TDRD9: variants seen among roughly 807,000 people sequenced by gnomAD.
TDRD9 encodes ATP-dependent RNA helicase TDRD9.
In TDRD9, 124 loss-of-function variants were observed where a neutral mutation model predicts 172.6. That is an observed-to-expected ratio of 0.72 (90% CI 0.62 to 0.83). The LOEUF is 0.83. Ranked by LOEUF, TDRD9 falls within the 40% of genes least tolerant of loss-of-function variation. The pLI is 0.00. For missense variants in TDRD9, 1,479 were observed against 1,714.1 expected (o/e 0.86, Z 2.42); for synonymous variants, 619 against 617.1 (o/e 1.00, Z -0.05).
chr14:103,995,411 A>C (rs994194557), intron 11 of TDRD9, among the ~76,000 whole-genome samples: 1 of 151,910 alleles, frequency 6.6e-6, no homozygotes, highest in African/African-American at 2.4e-5. Context: ...ACAGGCAACA[A>C]CCCTTCTTCT....
At position 103,955,852 on chromosome 14, in the gene TDRD9, G is replaced by A. The variant is rs942458413; in HGVS notation, c.322+82G>A. ...AATATTAGGTTCATAGTGCATGCCT[G>A]TAATTCCAGCTACTCAGGAGGCTGA... is the stretch of plus-strand genomic sequence containing the variant. On this transcript the variant is annotated intron_variant, in intron 2 of 35. Transcript: ENST00000409874. The A allele has an allele frequency of 5.9e-6, 7 of 1,179,566 alleles. No homozygotes were observed. The East Asian group carries it at 1.1e-4, about 19-fold the overall frequency. The allele number at this position is 1,179,566 out of a possible 1,614,324, so 73.1% of individuals were successfully genotyped here.
chr14:103,942,939 G>C (rs1205174656), intron 1 of TDRD9, among the ~76,000 whole-genome samples: 2 of 147,814 alleles, frequency 1.4e-5, no homozygotes, highest in African/African-American at 2.5e-5. Context: ...TGAAAATATG[G>C]TAATAAGGCA....
At chr14:103,975,291 G>C in intron 6 of TDRD9, 98 bp from the exon 7 acceptor site, 4 of 1,137,216 alleles carry the variant, frequency 3.5e-6, no homozygotes, top group Non-Finnish European at 4.9e-6. Context: ...AAAGTTGTTA[G>C]ATAAGGAGTG....
rs150997364 is a variant in TDRD9 at position 104,008,237 on chromosome 14, C to G, written c.2053-176C>G. On this transcript the variant is annotated intron_variant, in intron 19 of 35. Coordinates refer to ENST00000409874, the MANE Select transcript of TDRD9 (RefSeq NM_153046.3). ...TGTGTTTATGGTTGAGTATTACGCTCTCTGGCTTCAATGTAAAATTGGATG... is the reference window on the plus strand; with the variant it reads ...TGTGTTTATGGTTGAGTATTACGCTGTCTGGCTTCAATGTAAAATTGGATG... Among the ~76,000 whole-genome samples the G allele has an allele frequency of 4.7e-4, 71 of 152,258 alleles. No homozygotes were observed. In the East Asian group the frequency reaches 9.1e-3, roughly 19 times the overall value.
At chr14:103,969,734 T>C (rs1178612126) in intron 5 of TDRD9, among the ~76,000 whole-genome samples, 2 of 151,802 alleles carry the variant, frequency 1.3e-5, no homozygotes, top group African/African-American at 4.8e-5. Flanking sequence ...CCCTTGTACA[T>C]TGATGTTTCC....
In TDRD9 at chr14:103,986,269, T is replaced by A. The variant is rs754769480; in HGVS notation, c.1064T>A (p.Val355Asp). Residue 355 changes from valine to aspartate, a missense_variant, in exon 8 of 36, where the codon GTT becomes GAT. Transcript: ENST00000409874. ...EPVITKDIYEVAVSLIQMFDD... is the reference protein window; with the variant it reads ...EPVITKDIYEDAVSLIQMFDD... ...GTGATAACTAAGGATATATATGAAG[T>A]TGCTGTCTCTCTCATTCAGATGTTT... The A allele has an allele frequency of 6.2e-7, 1 of 1,613,476 alleles. No individual in the cohort carries two copies. Among genetic ancestry groups the A allele is most frequent in the Non-Finnish European group, 8.5e-7 (1 of 1,179,610 alleles).
At chr14:104,041,939 T>A (rs1472105775) in intron 33 of TDRD9, 130 bp from the exon 34 acceptor site, 1 of 608,308 alleles carries the variant, frequency 1.6e-6, no homozygotes, top group Non-Finnish European at 2.9e-6. Context: ...TCAAGATGCC[T>A]TCAGCAGGCG....
intron 35 of TDRD9, among the ~76,000 whole-genome samples, chr14:104,051,005 C>T (rs2035921830): frequency 6.6e-6 from 1 of 152,156 alleles, no homozygotes; most frequent in Non-Finnish European, 1.5e-5. Flanking sequence ...GGTACATGTG[C>T]AGCTTTTGTT....
chr14:103,983,951 T>C lies in TDRD9; in HGVS notation c.1012-2266T>C, dbSNP rs956506216. Among the ~76,000 whole-genome samples the C allele has an allele frequency of 4.6e-5, 7 of 152,220 alleles. No homozygotes were observed. The South Asian group carries it at 8.3e-4, about 18-fold the overall frequency. On this transcript the variant is annotated intron_variant, in intron 7 of 35. Coordinates refer to ENST00000409874, the MANE Select transcript of TDRD9 (RefSeq NM_153046.3). ...TGGAGATGAGGAACTTGTTGGGGAC[T>C]GGAGTAAAGGTGACTCTTGTTATGT...
intron 30 of TDRD9, 27 bp downstream of exon 30, chr14:104,032,114 AT>A (rs759498183): frequency 5.1e-5 from 75 of 1,457,420 alleles, no homozygotes; most frequent in South Asian, 2.5e-4. Context: ...TTTTCCATGA[AT>A]TTTTTTTCTC....
rs928545011 is a variant in TDRD9 at position 104,049,588 on chromosome 14, T to C, written c.3975-20T>C. ...GTTACTAATATATAATTAAGATAATTTCTTTTTTTTTTAAATTAGTTTGTT... is the reference window on the plus strand; with the variant it reads ...GTTACTAATATATAATTAAGATAATCTCTTTTTTTTTTAAATTAGTTTGTT... On this transcript the variant is annotated intron_variant, in intron 34 of 35. Coordinates refer to ENST00000409874, the MANE Select transcript of TDRD9 (RefSeq NM_153046.3). 3 of 1,527,902 alleles carry C rather than the reference T, an allele frequency of 2.0e-6. No individual in the cohort carries two copies. The highest frequency in any genetic ancestry group is 2.8e-5 in the African/African-American group (2 of 72,126). The allele number at this position is 1,527,902 out of a possible 1,614,324, so 94.6% of individuals were successfully genotyped here. A position where few individuals can be genotyped will look rare whatever the true frequency, so the allele number is the denominator to read the frequency against.
chr14:103,952,213 T>TAC (rs2031943125), intron 1 of TDRD9, among the ~76,000 whole-genome samples: 1 of 71,692 alleles, frequency 1.4e-5, no homozygotes, highest in Admixed American at 1.7e-4. Flanking sequence ...TATATATATA[T>TAC]ATATATATTT....
rs1453131406 is a variant in TDRD9, at chr14:103,995,740, T to C, written c.1321-10T>C. ...TAGGAATGTCAGCTTTTTTCTTTGA[T>C]GTTTAACAGATTATTCTGTCCACCA... On this transcript the variant is annotated splice_polypyrimidine_tract_variant and intron_variant, in intron 11 of 35. Coordinates refer to ENST00000409874, the MANE Select transcript of TDRD9 (RefSeq NM_153046.3). 3 of 1,591,780 alleles carry C rather than the reference T, an allele frequency of 1.9e-6. No homozygotes were observed. Among genetic ancestry groups the C allele is most frequent in the African/African-American group, 2.7e-5 (2 of 73,878 alleles).
At chr14:104,024,507 A>T (rs2035055238) in intron 24 of TDRD9, 62 bp from the exon 25 acceptor site, 1 of 876,370 alleles carries the variant, frequency 1.1e-6, no homozygotes, top group Non-Finnish European at 1.8e-6. Context: ...AATTTCACAT[A>T]TGTAAATGTG....
chr14:104,045,390 CTTTTT>C (rs55844445), intron 34 of TDRD9, among the ~76,000 whole-genome samples: 2 of 133,904 alleles, frequency 1.5e-5, no homozygotes, highest in Non-Finnish European at 1.6e-5. Flanking sequence ...GTCATTTATC[CTTTTT>C]TTTTTTTTTT....
chr14:104,023,110 A>G (rs1210607460), intron 24 of TDRD9, among the ~76,000 whole-genome samples: 1 of 134,286 alleles, frequency 7.4e-6, no homozygotes, highest in Non-Finnish European at 1.5e-5. Flanking sequence ...TAAACCCAGG[A>G]GGCAGAGGTT....
chr14:103,970,765 A>G (rs1279800536), intron 6 of TDRD9, 144 bp downstream of exon 6: 2 of 647,132 alleles, frequency 3.1e-6, no homozygotes, highest in African/African-American at 3.7e-5. Flanking sequence ...CAAGTGCCTT[A>G]TATGAAATGG....
chr14:104,017,492 G>C (rs2034828423), intron 22 of TDRD9, among the ~76,000 whole-genome samples: 1 of 152,226 alleles, frequency 6.6e-6, no homozygotes, highest in Admixed American at 6.5e-5. Flanking sequence ...GATCTAACTG[G>C]ATCTGAGCCC....
chr14:104,005,143 A>G (rs1308098592), intron 14 of TDRD9, 131 bp from the exon 15 acceptor site: 11 of 783,272 alleles, frequency 1.4e-5, no homozygotes, highest in South Asian at 5.9e-5. Flanking sequence ...CCCTCCCTCA[A>G]TCCTCTCCAT....
Sources: allele counts gnomAD v4.1 joint callset (sites outside exome capture counted in the v4.1 genomes callset), GRCh38; gene constraint gnomAD v4.1.1; transcripts MANE v1.5; gene names NCBI Gene and HGNC (gene_info 2026-07-23, HGNC 2026-07-21).